COL23A1: variants seen among roughly 807,000 people sequenced by gnomAD.
COL23A1 encodes the protein collagen alpha-1(XXIII) chain.
In COL23A1, 97 loss-of-function variants were observed where a neutral mutation model predicts 99.3. The ratio of observed to expected loss-of-function variants is 0.98; its 90% CI spans 0.83 to 1.16. COL23A1 has a LOEUF of 1.16. COL23A1 is among the 50% of genes most tolerant of loss of function. The pLI is 0.00. For missense variants in COL23A1, 762 were observed against 757.4 expected (o/e 1.01, Z -0.07); for synonymous variants, 320 against 308.2 (o/e 1.04, Z -0.40).
At chr5:178,378,618 G>A (rs1048379870) in intron 2 of COL23A1, among the ~76,000 whole-genome samples, 8 of 152,204 alleles carry the variant, frequency 5.3e-5, no homozygotes, top group Admixed American at 2.0e-4. Context: ...CCGCAGAGGC[G>A]ACAATGAACA....
chr5:178,394,845 C>G lies in COL23A1; in HGVS notation c.362-87926G>C, dbSNP rs141608536. ...AGTTGAGCTAATTAGTCATGCTAAG[C>G]AGCATTCGGCTCTCAGCTCCAAACG... On this transcript the variant is annotated intron_variant, in intron 2 of 28. Transcript: ENST00000390654. Among the ~76,000 whole-genome samples, 373 of 151,956 alleles carry G rather than the reference C, an allele frequency of 2.5e-3. 3 individuals carry two copies. Among genetic ancestry groups the G allele is most frequent in the African/African-American group, 8.6e-3 (358 of 41,432 alleles).
At chr5:178,382,220 G>A (rs1399422623) in intron 2 of COL23A1, among the ~76,000 whole-genome samples, 1 of 152,204 alleles carries the variant, frequency 6.6e-6, no homozygotes, top group Non-Finnish European at 1.5e-5. Context: ...TGGGGGCACA[G>A]AGTCCCAGCT....
intron 3 of COL23A1, among the ~76,000 whole-genome samples, chr5:178,305,508 T>A (rs771532374): frequency 6.6e-6 from 1 of 152,200 alleles, no homozygotes; most frequent in South Asian, 2.1e-4. Flanking sequence ...TCGTTCGCTG[T>A]TCTGTGCATT....
rs764844753 is a variant in COL23A1 at position 178,358,583 on chromosome 5, A to ATG, written c.362-51666_362-51665dup. Reference sequence around the variant, plus strand: ...GTGTGTATGTCTAATGTGTATGTGTATGTGTGTGTATGTGTATGTGTGTAT... The same window carrying ATG: ...GTGTGTATGTCTAATGTGTATGTGTATGTGTGTGTGTATGTGTATGTGTGTAT... On this transcript the variant is annotated intron_variant, in intron 2 of 28. Coordinates refer to ENST00000390654, the MANE Select transcript of COL23A1 (RefSeq NM_173465.4). Among the ~76,000 whole-genome samples the ATG allele has an allele frequency of 4.0e-4, 56 of 139,620 alleles. 1 individual carries two copies. The highest frequency in any genetic ancestry group is 1.5e-3 in the African/African-American group (54 of 36,764). The allele number at this position is 139,620 out of a possible 152,430, so 91.6% of individuals were successfully genotyped here.
Position 178,340,609 on chromosome 5 carries a change from CAGG to C in COL23A1, c.362-33693_362-33691del, listed in dbSNP as rs1722029733. On this transcript the variant is annotated intron_variant, in intron 2 of 28. Coordinates refer to ENST00000390654, the MANE Select transcript of COL23A1 (RefSeq NM_173465.4). This position sits in a 1 kb window ranked among gnomAD's most constrained non-coding sequence, Gnocchi z 4.7. ...GGTCAGGAGTGGCCTGAAGTTCTCT[CAGG>C]AGAAGCTGATGGTCCCAGAGCACAC... Among the ~76,000 whole-genome samples the C allele has an allele frequency of 6.6e-6, 1 of 152,200 alleles. No individual in the cohort carries two copies. The highest frequency in any genetic ancestry group is 2.4e-5 in the African/African-American group (1 of 41,446).
intron 1 of COL23A1, among the ~76,000 whole-genome samples, chr5:178,584,462 A>G (rs1429395699): frequency 6.6e-6 from 1 of 152,120 alleles, no homozygotes; most frequent in East Asian, 1.9e-4. Flanking sequence ...TTGGTCCCCC[A>G]AAGCACTGAG....
intron 5 of COL23A1, among the ~76,000 whole-genome samples, chr5:178,282,707 C>T (rs1756963608): frequency 6.6e-6 from 1 of 152,160 alleles, no homozygotes; most frequent in Admixed American, 6.5e-5. Flanking sequence ...GAGTGCGCAC[C>T]CAGCAAGCAC....
intron 2 of COL23A1, among the ~76,000 whole-genome samples, chr5:178,494,997 T>A (rs1269660556): frequency 6.6e-6 from 1 of 152,302 alleles, no homozygotes; most frequent in South Asian, 2.1e-4. Context: ...AATAATGACA[T>A]GCCCATAGTC....
At chr5:178,503,860 G>T (rs756455363) in intron 2 of COL23A1, among the ~76,000 whole-genome samples, 1 of 152,136 alleles carries the variant, frequency 6.6e-6, no homozygotes, top group Non-Finnish European at 1.5e-5. Flanking sequence ...TCCAGGTAAG[G>T]ATTCCCCAAG....
intron 2 of COL23A1, among the ~76,000 whole-genome samples, chr5:178,448,584 T>C (rs1030795115): frequency 2.6e-5 from 4 of 152,222 alleles, no homozygotes; most frequent in Non-Finnish European, 4.4e-5. Context: ...TGCAGCATCA[T>C]AAGCTGGTCG....
intron 2 of COL23A1, among the ~76,000 whole-genome samples, chr5:178,479,511 C>T (rs889847178): frequency 6.6e-6 from 1 of 152,196 alleles, no homozygotes; most frequent in African/African-American, 2.4e-5. Context: ...TTTAATACAC[C>T]CCAGGAAGAC....
At chr5:178,249,259 C>T (rs1764882243) in intron 18 of COL23A1, 53 bp from the exon 19 acceptor site, 5 of 1,552,958 alleles carry the variant, frequency 3.2e-6, no homozygotes, top group Non-Finnish European at 4.4e-6. Context: ...CCCCTCCCTT[C>T]TCCCCCCAGC....
rs566566567 is a variant in COL23A1 at position 178,287,009 on chromosome 5, C to T, written c.441+1315G>A. 7.1e-4 allele frequency among the ~76,000 whole-genome samples: 108 copies of T among 152,070 alleles called. 1 individual carries two copies. Among genetic ancestry groups the T allele is most frequent in the African/African-American group, 2.6e-3 (106 of 41,564 alleles). ...CTGTTAGTCTCCGGTCCTCCCGAGC[C>T]GGTACTGGTACAGCGAATAATGCCA... On this transcript the variant is annotated intron_variant, in intron 5 of 28. Coordinates refer to ENST00000390654, the MANE Select transcript of COL23A1 (RefSeq NM_173465.4).
intron 2 of COL23A1, among the ~76,000 whole-genome samples, chr5:178,507,243 C>G (rs75279725): frequency 0.012 from 1,776 of 152,310 alleles, 18 homozygotes; most frequent in Non-Finnish European, 0.017. Context: ...TAGAGTCCCT[C>G]CTCATTGCCT....
intron 2 of COL23A1, among the ~76,000 whole-genome samples, chr5:178,389,260 A>G (rs904006872): frequency 6.6e-6 from 1 of 152,056 alleles, no homozygotes; most frequent in Non-Finnish European, 1.5e-5. Flanking sequence ...CAAAGTCCCA[A>G]TGCCCCTTTC....
intron 2 of COL23A1, among the ~76,000 whole-genome samples, chr5:178,388,966 G>A (rs569262349): frequency 3.3e-5 from 5 of 152,174 alleles, no homozygotes; most frequent in African/African-American, 4.8e-5. Context: ...AACCCTTTCC[G>A]CAGGGACATC....
intron 2 of COL23A1, among the ~76,000 whole-genome samples, chr5:178,397,036 G>A (rs1764187056): frequency 1.3e-5 from 2 of 152,248 alleles, no homozygotes; most frequent in Non-Finnish European, 2.9e-5. Flanking sequence ...CCCTCTGCGT[G>A]TCAGGAAGGA....
chr5:178,392,782 T>A (rs997532483), intron 2 of COL23A1, among the ~76,000 whole-genome samples: 1 of 152,128 alleles, frequency 6.6e-6, no homozygotes, highest in African/African-American at 2.4e-5. Flanking sequence ...GATTGACAGT[T>A]CAACAGAAAA....
At chr5:178,548,392 C>T (rs192894168) in intron 2 of COL23A1, among the ~76,000 whole-genome samples, 1 of 152,046 alleles carries the variant, frequency 6.6e-6, no homozygotes, top group Non-Finnish European at 1.5e-5. Context: ...CTGCTCTCAT[C>T]CTGGCAAGTG....
Sources: gnomAD v4.1 joint callset for allele counts (sites outside exome capture counted in the v4.1 genomes callset) on GRCh38, gnomAD v4.1.1 for gene constraint, Gnocchi (gnomAD v3.1) non-coding constraint, MANE v1.5 for transcripts, NCBI Gene and HGNC (gene_info 2026-07-23, HGNC 2026-07-21) for gene names.